TRAPPC11: variants seen among roughly 807,000 people sequenced by gnomAD.
TRAPPC11 encodes foie gras homolog.
A neutral mutation model predicts 151.2 loss-of-function variants in TRAPPC11; 104 were observed. The observed-to-expected ratio is 0.69, with a 90% CI of 0.59 to 0.81. The LOEUF (loss-of-function observed/expected upper bound fraction) is 0.81, where lower values mean the gene tolerates loss of function less well. TRAPPC11 is among the 30% of genes least tolerant of loss of function. The pLI is 0.00. For missense variants in TRAPPC11, 1,230 were observed against 1,349.6 expected (o/e 0.91, Z 1.39); for synonymous variants, 456 against 472.3 (o/e 0.97, Z 0.45).
chr4:183,702,978 T>G lies in TRAPPC11; in HGVS notation c.2963+1170T>G, dbSNP rs191590993. 1.3e-3 allele frequency among the ~76,000 whole-genome samples: 192 copies of G among 152,264 alleles called. 2 individuals carry two copies. The highest frequency in any genetic ancestry group is 1.7e-3 in the Non-Finnish European group (115 of 68,010). On this transcript the variant is annotated intron_variant, in intron 26 of 29. Transcript: ENST00000334690. ...TATCAAAATTGACTAAAGGAAAAAT[T>G]TTTTAACCTAAAAAAACCAGTAACT...
intron 18 of TRAPPC11, among the ~76,000 whole-genome samples, chr4:183,688,000 TA>T (rs1343639949): frequency 1.1e-4 from 16 of 152,336 alleles, no homozygotes; most frequent in African/African-American, 3.6e-4. Context: ...AGTACTTCAT[TA>T]CAACTCTATT....
chr4:183,707,627 TG>T (rs1280524933), intron 28 of TRAPPC11, among the ~76,000 whole-genome samples: 2 of 152,240 alleles, frequency 1.3e-5, no homozygotes, highest in Non-Finnish European at 2.9e-5. Flanking sequence ...TCTTAACACC[TG>T]GAAGTGTCTA....
At chr4:183,671,396 T>C (rs975003621) in intron 5 of TRAPPC11, among the ~76,000 whole-genome samples, 1 of 152,188 alleles carries the variant, frequency 6.6e-6, no homozygotes, top group Non-Finnish European at 1.5e-5. Context: ...CTGTCCCCTT[T>C]TCCTGAAAAG....
chr4:183,702,885 G>A (rs1736871402), intron 26 of TRAPPC11, among the ~76,000 whole-genome samples: 1 of 152,168 alleles, frequency 6.6e-6, no homozygotes, highest in African/African-American at 2.4e-5. Context: ...TTAAGGGAAT[G>A]TTTATACAAC....
intron 19 of TRAPPC11, among the ~76,000 whole-genome samples, chr4:183,692,719 T>G (rs1736314065): frequency 6.6e-6 from 1 of 152,170 alleles, no homozygotes; most frequent in South Asian, 2.1e-4. Flanking sequence ...AATCAGCCTG[T>G]CAACAGAAAG....
At chr4:183,676,210 C>T (rs7684260) in intron 7 of TRAPPC11, among the ~76,000 whole-genome samples, 74,034 of 151,278 alleles carry the variant, frequency 0.49, 18,627 homozygotes, top group African/African-American at 0.61. Context: ...AGTGCAGTGG[C>T]GCGATCTCGG....
At position 183,692,952 on chromosome 4, in the gene TRAPPC11, C is replaced by G; in HGVS notation, c.2050-8C>G. 1 of 1,574,856 alleles carries G rather than the reference C, an allele frequency of 6.3e-7. No individual in the cohort carries two copies. The highest frequency in any genetic ancestry group is 8.6e-7 in the Non-Finnish European group (1 of 1,161,680). The stretch of plus-strand genomic sequence containing the variant: ...TGACATTTCCAACATCCTTTTTTTT[C>G]TTTTTAGATTACTTCAGTGGATCTT... On this transcript the variant is annotated splice_region_variant and splice_polypyrimidine_tract_variant and intron_variant, in intron 19 of 29. Coordinates refer to ENST00000334690, the MANE Select transcript of TRAPPC11 (RefSeq NM_021942.6).
intron 2 of TRAPPC11, among the ~76,000 whole-genome samples, chr4:183,665,160 T>C (rs1380206965): frequency 7.0e-6 from 1 of 143,438 alleles, no homozygotes; most frequent in Non-Finnish European, 1.5e-5. Context: ...TGTGGCGCGA[T>C]ATCGGCTCAC....
In TRAPPC11 at chr4:183,693,102, A is replaced by G; in HGVS notation, c.2192A>G (p.Asp731Gly). The change falls in exon 20 of 30, where the codon GAC becomes GGC. Residue 731 changes from aspartate to glycine, a missense_variant. Physicochemically the swap from Asp to Gly is moderately conservative, Grantham distance 94 (BLOSUM62 -1). Coordinates refer to ENST00000334690, the MANE Select transcript of TRAPPC11 (RefSeq NM_021942.6). ...RSFKRRPKLP[D>G]NEVHWDSIII... ...TTCAAAAGGCGACCTAAGCTACCTG[A>G]CAATGAAGTTCACTGGGACAGCATT... 6.2e-7 allele frequency: 1 copy of G among 1,612,364 alleles called. No individual in the cohort carries two copies. The highest frequency in any genetic ancestry group is 1.3e-5 in the African/African-American group (1 of 75,008).
intron 25 of TRAPPC11, among the ~76,000 whole-genome samples, 176 bp downstream of exon 25, chr4:183,698,011 A>G (rs1421962966): frequency 6.6e-6 from 1 of 152,210 alleles, no homozygotes; most frequent in African/African-American, 2.4e-5. Context: ...GTCATTTATA[A>G]TACCATTTGC....
In TRAPPC11 at chr4:183,679,379, C is replaced by T. The variant is rs568608770; in HGVS notation, c.858C>T (p.Asn286=). The part of the protein sequence containing the change: ...YKICRLCFQH[N]TPLDAIAQFR... ...TCTGTAGGCTGTGTTTTCAACACAA[C>T]ACCCCATTGGATGCAATTGCTCAGT... Residue 286 remains asparagine (N), a synonymous_variant, in exon 9 of 30, where the codon AAC becomes AAT. Transcript: ENST00000334690. 1.9e-6 allele frequency: 3 copies of T among 1,611,118 alleles called. No homozygotes were observed. Among genetic ancestry groups the T allele is most frequent in the South Asian group, 1.1e-5 (1 of 90,450 alleles).
rs1487076290 is a variant in TRAPPC11, at chr4:183,697,488, T to A, written c.2629-15T>A. 6.3e-7 allele frequency: 1 copy of A among 1,595,188 alleles called. No individual in the cohort carries two copies. Among genetic ancestry groups the A allele is most frequent in the African/African-American group, 1.4e-5 (1 of 73,514 alleles). On this transcript the variant is annotated splice_polypyrimidine_tract_variant and intron_variant, in intron 23 of 29. Coordinates refer to ENST00000334690, the MANE Select transcript of TRAPPC11 (RefSeq NM_021942.6). ...TTAGAAAATCCATGAATGTGCCCTT[T>A]ACATTTTCTTGCAGGATGAAACTGT...
rs547798710 is a variant in TRAPPC11 at position 183,660,046 on chromosome 4, C to CT, written c.-22+602dup. ...TATTCACCTTCTATAGCTGCGCCTC[C>CT]TTTCGTGTATAGTTTCGTTGGTTGC... is the stretch of plus-strand genomic sequence containing the variant. On this transcript the variant is annotated intron_variant, in intron 1 of 29. Transcript: ENST00000334690. 2.6e-5 allele frequency among the ~76,000 whole-genome samples: 4 copies of CT among 152,332 alleles called. No homozygotes were observed. In the East Asian group the frequency reaches 7.7e-4, roughly 29 times the overall value.
chr4:183,672,377 G>C (rs7663177), intron 5 of TRAPPC11, among the ~76,000 whole-genome samples: 74,766 of 151,956 alleles, frequency 0.49, 19,002 homozygotes, highest in African/African-American at 0.62. Flanking sequence ...AAAAAAAACT[G>C]AAGGTCTCTT....
intron 15 of TRAPPC11, 91 bp from the exon 16 acceptor site, chr4:183,684,993 T>C: frequency 7.4e-7 from 1 of 1,357,352 alleles, no homozygotes; most frequent in South Asian, 1.3e-5. Context: ...AAGAGGTATT[T>C]ATTATTATAT....
intron 2 of TRAPPC11, among the ~76,000 whole-genome samples, chr4:183,665,194 G>C (rs75711572): frequency 1.2e-4 from 18 of 148,004 alleles, no homozygotes; most frequent in Non-Finnish European, 2.4e-4. Context: ...TCCTGGGTTC[G>C]TGCCATTCTC....
chr4:183,684,472 T>TA, intron 14 of TRAPPC11, 113 bp downstream of exon 14: 2 of 1,115,998 alleles, frequency 1.8e-6, no homozygotes, highest in East Asian at 4.9e-5. Context: ...CTATTGTTGT[T>TA]AAACTCCATT....
chr4:183,662,255 C>T (rs1734589824), intron 1 of TRAPPC11, among the ~76,000 whole-genome samples: 1 of 149,790 alleles, frequency 6.7e-6, no homozygotes, highest in South Asian at 2.1e-4. Flanking sequence ...ACTAGGGAGG[C>T]TGAGGCAGGG....
intron 27 of TRAPPC11, among the ~76,000 whole-genome samples, chr4:183,706,506 G>A (rs1424476311): frequency 2.0e-5 from 3 of 149,350 alleles, no homozygotes; most frequent in Admixed American, 2.0e-4. Flanking sequence ...CTGGGTGAAA[G>A]AGCGAGACTC....
Sources: gnomAD v4.1 joint callset for allele counts (sites outside exome capture counted in the v4.1 genomes callset) on GRCh38, gnomAD v4.1.1 for gene constraint, MANE v1.5 for transcripts, NCBI Gene and HGNC (gene_info 2026-07-23, HGNC 2026-07-21) for gene names.